Variants in ARHGAP23 observed in about 807,000 individuals in gnomAD.
The protein encoded by ARHGAP23 is Rho GTPase activating protein 23.
A neutral mutation model predicts 136.3 loss-of-function variants in ARHGAP23; 34 were observed. That is an observed-to-expected ratio of 0.25 (90% CI 0.19 to 0.33). The LOEUF (loss-of-function observed/expected upper bound fraction) is 0.33, where lower values mean the gene tolerates loss of function less well. Ranked by LOEUF, ARHGAP23 falls within the 10% of genes least tolerant of loss-of-function variation. ARHGAP23 has a pLI of 1.00. For synonymous variants in ARHGAP23, 832 were observed against 920.5 expected (o/e 0.90, Z 1.74); for missense variants, 1,808 against 2,139.0 (o/e 0.85, Z 3.05).
chr17:38,431,274 G>T (rs61588281), intron 1 of ARHGAP23, among the ~76,000 whole-genome samples: 4,796 of 152,262 alleles, frequency 0.031, 87 homozygotes, highest in Middle Eastern at 0.16. Context: ...TTCCCACCCT[G>T]CCCCATGCTA....
chr17:38,443,307 C>A (rs2038959612), intron 1 of ARHGAP23, among the ~76,000 whole-genome samples: 1 of 152,198 alleles, frequency 6.6e-6, no homozygotes, highest in African/African-American at 2.4e-5. Context: ...ACCTTCATTT[C>A]CAGAGGTTGG....
chr17:38,447,444 A>AAAAAAAAC (rs1224894110), intron 1 of ARHGAP23, among the ~76,000 whole-genome samples: 1 of 145,024 alleles, frequency 6.9e-6, no homozygotes, highest in Non-Finnish European at 1.5e-5. Context: ...TCTGAAAAAA[A>AAAAAAAAC]AAAAAAAAAA....
At chr17:38,436,077 ACTGTGCCC>A (rs2053453836) in intron 1 of ARHGAP23, among the ~76,000 whole-genome samples, 1 of 152,146 alleles carries the variant, frequency 6.6e-6, no homozygotes, top group South Asian at 2.1e-4. Context: ...AAGCCTTGGC[ACTGTGCCC>A]CTCCCACACA....
chr17:38,426,574 C>CAAAAAAAAAAAAAAAAAAAA (rs2038574253), upstream of ARHGAP23, among the ~76,000 whole-genome samples: 1 of 97,064 alleles, frequency 1.0e-5, no homozygotes. Context: ...AAAAAAAAAT[C>CAAAAAAAAAAAAAAAAAAAA]CAGGCAGTAT....
chr17:38,459,280 G>GCATCGCGTGCTGGC (rs1654208252), intron 2 of ARHGAP23, among the ~76,000 whole-genome samples: 1 of 152,206 alleles, frequency 6.6e-6, no homozygotes, highest in Admixed American at 6.5e-5. Context: ...CTCTCTGTGT[G>GCATCGCGTGCTGGC]CATCGCGTGC....
chr17:38,432,086 G>GCCCA (rs1251911388), intron 1 of ARHGAP23, among the ~76,000 whole-genome samples: 5 of 152,224 alleles, frequency 3.3e-5, no homozygotes, highest in Non-Finnish European at 7.3e-5. Context: ...GGCGCCCCAT[G>GCCCA]CCCAGCTCTA....
At chr17:38,424,095 C>G (rs576868314), upstream of ARHGAP23, among the ~76,000 whole-genome samples, 7,500 of 152,130 alleles carry the variant, frequency 0.049, 640 homozygotes, top group African/African-American at 0.17. Context: ...GGGGCTGGGG[C>G]GCAGGGAGGG....
chr17:38,458,060 C>T, intron 1 of ARHGAP23, 42 bp from the exon 2 acceptor site: 1 of 1,533,804 alleles, frequency 6.5e-7, no homozygotes, highest in Non-Finnish European at 8.7e-7. Context: ...CCAGAAGTGT[C>T]AGCCACACGG....
chr17:38,447,463 A>AAAAAAAAAAAAG (rs1289534879), intron 1 of ARHGAP23, among the ~76,000 whole-genome samples: 1 of 150,656 alleles, frequency 6.6e-6, no homozygotes, highest in Non-Finnish European at 1.5e-5. Context: ...AAAAAAAAAA[A>AAAAAAAAAAAAG]AAGAAATAAT....
chr17:38,509,424 G>A (rs980470807), intron 23 of ARHGAP23, among the ~76,000 whole-genome samples: 1 of 152,152 alleles, frequency 6.6e-6, no homozygotes, highest in African/African-American at 2.4e-5. Context: ...TGGGCGGGTT[G>A]CCCTGGAGAG....
chr17:38,450,383 T>C (rs1029904664), intron 1 of ARHGAP23: 1 of 152,132 alleles, frequency 6.6e-6, no homozygotes, highest in East Asian at 1.9e-4. Flanking sequence ...CTTGTTCTCT[T>C]TGAGCCTCAG....
intron 1 of ARHGAP23, among the ~76,000 whole-genome samples, chr17:38,449,354 T>G (rs2039106236): frequency 6.6e-6 from 1 of 152,172 alleles, no homozygotes; most frequent in African/African-American, 2.4e-5. Flanking sequence ...GGGCCAGACA[T>G]AGTGCCAGTG....
At chr17:38,428,070 C>T (rs569920252), upstream of ARHGAP23, among the ~76,000 whole-genome samples, 3 of 152,294 alleles carry the variant, frequency 2.0e-5, no homozygotes, top group East Asian at 5.8e-4. Flanking sequence ...CTCTGGCTGG[C>T]TGTTTCTCTT....
chr17:38,461,662 A>G (rs537621193), intron 3 of ARHGAP23, among the ~76,000 whole-genome samples: 3 of 152,086 alleles, frequency 2.0e-5, no homozygotes, highest in Admixed American at 1.3e-4. Context: ...TTGGGGTGCA[A>G]TGCGATTTGT....
intron 1 of ARHGAP23, among the ~76,000 whole-genome samples, chr17:38,433,044 C>A (rs2038718828): frequency 6.6e-6 from 1 of 152,186 alleles, no homozygotes; most frequent in Admixed American, 6.5e-5. Flanking sequence ...CCTTGAACTC[C>A]TGGGATCAAG....
In ARHGAP23 at chr17:38,460,999, C is replaced by T. The variant is rs1398773713; in HGVS notation, c.253+67C>T. ...TCTTCCAGCTCCTGTCTCTCCCTGT[C>T]CTCCCCTAAGACTGCCTGTCCTTTT... On this transcript the variant is annotated intron_variant, in intron 3 of 23. Transcript: ENST00000622683. 4 of 1,523,304 alleles carry T rather than the reference C, an allele frequency of 2.6e-6. No individual in the cohort carries two copies. In the Middle Eastern group the frequency reaches 5.1e-4, roughly 193 times the overall value. 94.4% of individuals were successfully genotyped at this position (1,523,304 alleles called of 1,614,324 possible). A position where few individuals can be genotyped will look rare whatever the true frequency, so the allele number is the denominator to read the frequency against.
intron 23 of ARHGAP23, among the ~76,000 whole-genome samples, chr17:38,506,399 C>A (rs1413716002): frequency 6.6e-6 from 1 of 152,186 alleles, no homozygotes; most frequent in Admixed American, 6.5e-5. Flanking sequence ...CCCTGGGTGA[C>A]CCTGCCCGGC....
intron 1 of ARHGAP23, among the ~76,000 whole-genome samples, chr17:38,443,038 T>C (rs1416397363): frequency 1.3e-5 from 2 of 152,202 alleles, no homozygotes; most frequent in African/African-American, 4.8e-5. Flanking sequence ...CTTTATTTTA[T>C]AGCTGAAGAA....
intron 16 of ARHGAP23, among the ~76,000 whole-genome samples, chr17:38,484,140 G>C (rs2040108699): frequency 6.6e-6 from 1 of 152,152 alleles, no homozygotes; most frequent in East Asian, 1.9e-4. Context: ...CTGGGGAGAA[G>C]TCACTGATCT....
Sources: gnomAD v4.1 joint callset for allele counts (sites outside exome capture counted in the v4.1 genomes callset) on GRCh38, gnomAD v4.1.1 for gene constraint, MANE v1.5 for transcripts, NCBI Gene and HGNC (gene_info 2026-07-23, HGNC 2026-07-21) for gene names.